The following SLC39A11 variants were observed in gnomAD, a reference collection of about 807,000 sequenced individuals.
SLC39A11 encodes solute carrier family 39 member 11.
Under a neutral mutation model 36.1 loss-of-function variants are expected in SLC39A11, and 33 were observed. The ratio of observed to expected loss-of-function variants is 0.91; its 90% CI spans 0.69 to 1.22. The LOEUF (loss-of-function observed/expected upper bound fraction) is 1.22, where lower values mean the gene tolerates loss of function less well. Among genes scored for constraint, SLC39A11 ranks in the 50% most tolerant of loss-of-function variants. The probability of loss-of-function intolerance (pLI) is 0.00; values close to 1 mark genes in which losing one functional copy is unlikely to be tolerated. For synonymous variants in SLC39A11, 166 were observed against 170.3 expected (o/e 0.97, Z 0.20); for missense variants, 432 against 430.3 (o/e 1.00, Z -0.03).
chr17:72,674,704 T>C (rs1426468000), intron 7 of SLC39A11, among the ~76,000 whole-genome samples: 3 of 152,184 alleles, frequency 2.0e-5, no homozygotes, highest in Admixed American at 1.3e-4. Flanking sequence ...CATCACAGAG[T>C]ATAATTTCAC....
chr17:72,972,897 G>A (rs1271264848), intron 4 of SLC39A11, among the ~76,000 whole-genome samples: 1 of 151,916 alleles, frequency 6.6e-6, no homozygotes. Flanking sequence ...TTTTTAATTT[G>A]TCCAGGTCTC....
At chr17:72,784,912 T>A (rs1294140335) in intron 6 of SLC39A11, among the ~76,000 whole-genome samples, 1 of 150,182 alleles carries the variant, frequency 6.7e-6, no homozygotes, top group African/African-American at 2.5e-5. Flanking sequence ...CAGGCTGGAG[T>A]GCAGTGGTGC....
At chr17:73,046,694 C>T (rs1174179207) in intron 3 of SLC39A11, among the ~76,000 whole-genome samples, 1 of 152,142 alleles carries the variant, frequency 6.6e-6, no homozygotes, top group Non-Finnish European at 1.5e-5. Context: ...ACACCCCCAG[C>T]ACTTCGGGAG....
At position 72,648,918 on chromosome 17, in the gene SLC39A11, A is replaced by C. The variant is rs11537550; in HGVS notation, c.814T>G (p.Phe272Val). The change falls in exon 9 of 10, where the codon TTT (phenylalanine) becomes GTT (valine). Residue 272 changes from phenylalanine to valine, a missense_variant. By Grantham distance (50) the Phe-to-Val change is conservative (BLOSUM62 -1). Coordinates refer to ENST00000255559, the MANE Select transcript of SLC39A11 (RefSeq NM_139177.4). Reference protein sequence around the residue: ...SGMVEPLAGVFGAFAVVLAEP... With the variant: ...SGMVEPLAGVVGAFAVVLAEP... ...GCCAGCACCACGGCAAAGGCACCAA[A>C]GACCCCGGCCAGGGGCTCCACCATG... is the stretch of plus-strand genomic sequence containing the variant. 1 of 1,614,034 alleles carries C rather than the reference A, an allele frequency of 6.2e-7. No individual in the cohort carries two copies. Among genetic ancestry groups the C allele is most frequent in the Non-Finnish European group, 8.5e-7 (1 of 1,179,976 alleles).
intron 6 of SLC39A11, among the ~76,000 whole-genome samples, chr17:72,750,120 C>T (rs1177753308): frequency 6.6e-6 from 1 of 152,138 alleles, no homozygotes; most frequent in Non-Finnish European, 1.5e-5. Flanking sequence ...GTGGGTGGCG[C>T]CCATTCTGTG....
chr17:72,704,531 C>T (rs2072802928), intron 7 of SLC39A11, among the ~76,000 whole-genome samples: 2 of 152,202 alleles, frequency 1.3e-5, no homozygotes, highest in Admixed American at 6.5e-5. Context: ...ATTTGATACG[C>T]TTTTCAGTGG....
intron 6 of SLC39A11, among the ~76,000 whole-genome samples, chr17:72,740,221 C>A (rs539236801): frequency 4.2e-4 from 64 of 151,976 alleles, no homozygotes; most frequent in Middle Eastern, 3.4e-3. Flanking sequence ...CGCCACCACG[C>A]CTGGCTAATT....
intron 4 of SLC39A11, among the ~76,000 whole-genome samples, chr17:73,014,204 G>A (rs933858122): frequency 3.3e-5 from 5 of 152,050 alleles, no homozygotes; most frequent in East Asian, 1.9e-4. Flanking sequence ...ACACTACCCC[G>A]TCCTGAAGTC....
At chr17:72,894,133 G>A (rs1825508110) in intron 5 of SLC39A11, among the ~76,000 whole-genome samples, 1 of 151,918 alleles carries the variant, frequency 6.6e-6, no homozygotes, top group South Asian at 2.1e-4. Context: ...AGGCTGAAGT[G>A]GAAGGATCAC....
chr17:73,036,579 T>C (rs2058923141), intron 3 of SLC39A11, among the ~76,000 whole-genome samples: 1 of 152,206 alleles, frequency 6.6e-6, no homozygotes, highest in Admixed American at 6.5e-5. Flanking sequence ...CCTGAGCAGC[T>C]GGGATTACAG....
chr17:72,716,147 G>C (rs2073352526), intron 7 of SLC39A11, among the ~76,000 whole-genome samples: 1 of 152,036 alleles, frequency 6.6e-6, no homozygotes, highest in African/African-American at 2.4e-5. Flanking sequence ...CAACCTGCAG[G>C]CATGAGGTCA....
chr17:72,957,010 TGCAC>T (rs2086281177), intron 4 of SLC39A11, among the ~76,000 whole-genome samples: 1 of 151,996 alleles, frequency 6.6e-6, no homozygotes, highest in Admixed American at 6.6e-5. Context: ...AGATGGCACA[TGCAC>T]CTGGCAGCCA....
At chr17:73,046,400 G>A (rs997199441) in intron 3 of SLC39A11, among the ~76,000 whole-genome samples, 1 of 152,190 alleles carries the variant, frequency 6.6e-6, no homozygotes, top group Non-Finnish European at 1.5e-5. Context: ...ATGGAAGGCA[G>A]GAGGTAAGGA....
intron 5 of SLC39A11, among the ~76,000 whole-genome samples, chr17:72,864,618 C>A (rs934045310): frequency 2.6e-5 from 4 of 152,132 alleles, no homozygotes; most frequent in African/African-American, 9.7e-5. Context: ...CTCCATTCTG[C>A]AAGGTGGAAC....
At chr17:72,849,244 C>T (rs1225396291) in intron 6 of SLC39A11, among the ~76,000 whole-genome samples, 1 of 152,088 alleles carries the variant, frequency 6.6e-6, no homozygotes, top group Non-Finnish European at 1.5e-5. Context: ...AGTGAACTCA[C>T]GTAGTTCAGA....
intron 6 of SLC39A11, among the ~76,000 whole-genome samples, chr17:72,822,408 T>C (rs943639163): frequency 6.7e-6 from 1 of 150,284 alleles, no homozygotes; most frequent in Non-Finnish European, 1.5e-5. Context: ...ATTTGACTCA[T>C]GACTTAAAAT....
At chr17:72,816,189 TC>T (rs1319644289) in intron 6 of SLC39A11, among the ~76,000 whole-genome samples, 8 of 152,312 alleles carry the variant, frequency 5.3e-5, no homozygotes, top group African/African-American at 1.9e-4. Context: ...TTGTAGAGTG[TC>T]CTTTCAGCTC....
chr17:72,849,445 T>G, intron 6 of SLC39A11, 189 bp downstream of exon 6: 1 of 458,694 alleles, frequency 2.2e-6, no homozygotes, highest in Non-Finnish European at 3.6e-6. Flanking sequence ...ATGGGAAGTT[T>G]TCACATATGA....
chr17:72,907,365 C>G (rs1338228860), intron 5 of SLC39A11, among the ~76,000 whole-genome samples: 3 of 152,166 alleles, frequency 2.0e-5, no homozygotes, highest in Non-Finnish European at 4.4e-5. Context: ...TGGCACGTGC[C>G]TATAATCCCA....
Sources: gnomAD v4.1 joint callset for allele counts (sites outside exome capture counted in the v4.1 genomes callset) on GRCh38, gnomAD v4.1.1 for gene constraint, MANE v1.5 for transcripts, NCBI Gene and HGNC (gene_info 2026-07-23, HGNC 2026-07-21) for gene names.